The following ARHGAP28 variants were observed in gnomAD, a reference collection of about 807,000 sequenced individuals.
ARHGAP28 encodes the protein rho GTPase-activating protein 28.
Under a neutral mutation model 90.7 loss-of-function variants are expected in ARHGAP28, and 56 were observed. The ratio of observed to expected loss-of-function variants is 0.62; its 90% CI spans 0.50 to 0.77. The LOEUF (loss-of-function observed/expected upper bound fraction) is 0.77, where lower values mean the gene tolerates loss of function less well. ARHGAP28 is among the 30% of genes least tolerant of loss of function. The pLI, the probability that ARHGAP28 is intolerant of heterozygous loss-of-function variation, is 0.00. For synonymous variants in ARHGAP28, 308 were observed against 323.3 expected, an observed-to-expected ratio of 0.95 and a Z score of 0.51; for missense variants, 869 against 900.9, an observed-to-expected ratio of 0.96 and a Z score of 0.45.
At chr18:6,891,818 C>T (rs2057267786) in intron 14 of ARHGAP28, among the ~76,000 whole-genome samples, 2 of 152,080 alleles carry the variant, frequency 1.3e-5, no homozygotes, top group Non-Finnish European at 2.9e-5. Context: ...GTCTTGAACT[C>T]GTGGCCTCAA....
chr18:6,910,844 TTTGC>T (rs369763884), intron 17 of ARHGAP28, among the ~76,000 whole-genome samples: 120,074 of 151,048 alleles, frequency 0.79, 48,131 homozygotes, highest in Non-Finnish European at 0.86. Context: ...TTTTGTTTTG[TTTGC>T]TTTGTTTTTT....
chr18:6,832,011 T>C (rs2056720376), intron 2 of ARHGAP28, among the ~76,000 whole-genome samples: 2 of 152,082 alleles, frequency 1.3e-5, no homozygotes, highest in Non-Finnish European at 2.9e-5. Context: ...CTTTTGTTTA[T>C]GTTTTTGTGT....
At chr18:6,817,556 A>T (rs1295410945) in intron 1 of ARHGAP28, among the ~76,000 whole-genome samples, 1 of 152,184 alleles carries the variant, frequency 6.6e-6, no homozygotes, top group African/African-American at 2.4e-5. Flanking sequence ...CAAAGATGAG[A>T]GTAGGTTTTA....
chr18:6,868,899 A>G lies in ARHGAP28; in HGVS notation c.811+665A>G, dbSNP rs1339164204. ...GGTTGTACCACTCTGTTAATAAGCT[A>G]AGAACCACTGGCAGGTACACTTTAA... On this transcript the variant is annotated intron_variant, in intron 6 of 17. Transcript: ENST00000383472. 3.9e-5 allele frequency among the ~76,000 whole-genome samples: 6 copies of G among 152,314 alleles called. No individual in the cohort carries two copies. In the South Asian group the frequency reaches 1.2e-3, roughly 32 times the overall value.
chr18:6,870,451 C>A, intron 6 of ARHGAP28, 139 bp from the exon 7 acceptor site: 1 of 813,618 alleles, frequency 1.2e-6, no homozygotes, highest in South Asian at 1.8e-5. Context: ...CGGGGTGAGT[C>A]TGCTGCTTTT....
intron 1 of ARHGAP28, among the ~76,000 whole-genome samples, chr18:6,769,246 G>T (rs552477836): frequency 1.1e-3 from 168 of 152,074 alleles, no homozygotes; most frequent in Middle Eastern, 6.8e-3. Context: ...TTGAGGGGTT[G>T]CTGTGGCTCC....
intron 5 of ARHGAP28, among the ~76,000 whole-genome samples, chr18:6,866,895 G>C (rs1020083668): frequency 1.3e-5 from 2 of 152,110 alleles, no homozygotes; most frequent in Non-Finnish European, 2.9e-5. Flanking sequence ...CTCTCCCATA[G>C]GTAAGTTATT....
intron 6 of ARHGAP28, among the ~76,000 whole-genome samples, chr18:6,870,290 G>A (rs1387531172): frequency 6.6e-6 from 1 of 152,090 alleles, no homozygotes; most frequent in African/African-American, 2.4e-5. Context: ...ACCCTATTTT[G>A]GACTTTCTTT....
chr18:6,889,252 G>A (rs1197581061), intron 12 of ARHGAP28, among the ~76,000 whole-genome samples: 1 of 152,044 alleles, frequency 6.6e-6, no homozygotes, highest in South Asian at 2.1e-4. Context: ...CTTATATTAA[G>A]CTTTCTCAAT....
chr18:6,757,894 C>T (rs982508783), intron 1 of ARHGAP28, among the ~76,000 whole-genome samples: 25 of 152,102 alleles, frequency 1.6e-4, no homozygotes, highest in Admixed American at 3.3e-4. Flanking sequence ...ACAGCACTGC[C>T]CCAGAAGATA....
At chr18:6,731,748 A>G (rs2055884605) in intron 1 of ARHGAP28, among the ~76,000 whole-genome samples, 1 of 152,224 alleles carries the variant, frequency 6.6e-6, no homozygotes, top group African/African-American at 2.4e-5. Flanking sequence ...TCCTGTATTT[A>G]CAAAGAGCCA....
chr18:6,739,537 A>G (rs557116261), intron 1 of ARHGAP28, among the ~76,000 whole-genome samples: 232 of 150,914 alleles, frequency 1.5e-3, no homozygotes, highest in Non-Finnish European at 2.6e-3. Flanking sequence ...ATATATAAAC[A>G]TATATTCTTA....
intron 3 of ARHGAP28, among the ~76,000 whole-genome samples, chr18:6,844,781 CAGTT>C (rs2056853979): frequency 6.6e-6 from 1 of 151,814 alleles, no homozygotes; most frequent in African/African-American, 2.4e-5. Flanking sequence ...TATTTCAAGA[CAGTT>C]AGAAAAACTA....
chr18:6,883,847 C>G (rs1344309999), intron 11 of ARHGAP28, among the ~76,000 whole-genome samples: 4 of 151,808 alleles, frequency 2.6e-5, no homozygotes, highest in African/African-American at 9.7e-5. Flanking sequence ...TATCTATTTT[C>G]TTTGTAAGCT....
chr18:6,736,759 C>G lies in ARHGAP28; in HGVS notation c.122+6816C>G, dbSNP rs4797257. Among the ~76,000 whole-genome samples the G allele has an allele frequency of 4.0e-4, 52 of 131,270 alleles. 5 individuals are homozygous for G. Among genetic ancestry groups the G allele is most frequent in the Non-Finnish European group, 9.4e-5 (6 of 63,796 alleles). The allele number at this position is 131,270 out of a possible 152,430, so 86.1% of individuals were successfully genotyped here. ...TGAAACTCCATTTCAAAAAAAAAAA[C>G]AAAAAACAGAAAGTTGCTAAATTAA... On this transcript the variant is annotated intron_variant, in intron 1 of 17. Transcript: ENST00000383472.
chr18:6,831,488 CTT>C, intron 2 of ARHGAP28, among the ~76,000 whole-genome samples: 1 of 69,612 alleles, frequency 1.4e-5, no homozygotes, highest in African/African-American at 4.8e-5. Context: ...TTTTTTTTTT[CTT>C]TTTTTTTTTT....
chr18:6,805,424 T>G (rs1456859138), intron 1 of ARHGAP28, among the ~76,000 whole-genome samples: 1 of 151,950 alleles, frequency 6.6e-6, no homozygotes, highest in African/African-American at 2.4e-5. Flanking sequence ...TGTAAGCTAT[T>G]TATGTCCAGC....
At chr18:6,764,156 A>G (rs898192340) in intron 1 of ARHGAP28, among the ~76,000 whole-genome samples, 3 of 152,186 alleles carry the variant, frequency 2.0e-5, no homozygotes, top group Non-Finnish European at 2.9e-5. Context: ...TAGCTCAATT[A>G]CTGAATTGCT....
At chr18:6,799,109 T>A (rs2056463434) in intron 1 of ARHGAP28, among the ~76,000 whole-genome samples, 1 of 152,216 alleles carries the variant, frequency 6.6e-6, no homozygotes, top group East Asian at 1.9e-4. Flanking sequence ...TATTACTGAC[T>A]TCAGTTCTTG....
Sources: allele counts gnomAD v4.1 joint callset (sites outside exome capture counted in the v4.1 genomes callset), GRCh38; gene constraint gnomAD v4.1.1; transcripts MANE v1.5; gene names NCBI Gene and HGNC (gene_info 2026-07-23, HGNC 2026-07-21).